The following SCN2A variants were observed in gnomAD, a reference collection of about 807,000 sequenced individuals.
SCN2A encodes sodium channel protein type 2 subunit alpha.
Under a neutral mutation model 188.7 loss-of-function variants are expected in SCN2A, and 20 were observed. The ratio of observed to expected loss-of-function variants is 0.11; its 90% confidence interval spans 0.07 to 0.15. The LOEUF is 0.15. Ranked by LOEUF, SCN2A falls within the 10% of genes least tolerant of loss-of-function variation. The pLI is 1.00. For synonymous variants in SCN2A, 804 were observed against 833.1 expected (o/e 0.97, Z 0.60); for missense variants, 1,278 against 2,445.0 (o/e 0.52, Z 10.07).
chr2:165,250,421 A>G (rs1694033954), intron 1 of SCN2A, among the ~76,000 whole-genome samples: 1 of 151,910 alleles, frequency 6.6e-6, no homozygotes, highest in Non-Finnish European at 1.5e-5. Context: ...GATATAGTAT[A>G]TAGAAAATTT....
chr2:165,354,485 A>C lies in SCN2A; in HGVS notation c.3213A>C (p.Gly1071=), dbSNP rs199997352. The change falls in exon 17 of 27, where the codon GGA becomes GGC. Residue 1071 remains glycine, a synonymous_variant. Coordinates refer to ENST00000375437, the MANE Select transcript of SCN2A (RefSeq NM_001040142.2). ...IGKDLNYLKD[G]NGTTSGIGSS... is the part of the protein sequence containing the mutation. The stretch of plus-strand genomic sequence containing the variant: ...AAGACCTCAATTATCTCAAAGACGG[A>C]AATGGAACTACTAGTGGCATAGGCA... 2.4e-4 allele frequency: 391 copies of C among 1,614,138 alleles called. 4 individuals carry two copies. In the South Asian group the frequency reaches 3.4e-3, roughly 14 times the overall value.
intron 8 of SCN2A, 133 bp downstream of exon 8, chr2:165,312,221 C>T: frequency 4.2e-6 from 3 of 710,754 alleles, no homozygotes; most frequent in Middle Eastern, 2.3e-4. Flanking sequence ...CGGTGACTCT[C>T]AGAATAGCCA....
chr2:165,334,530 A>G (rs893313343), intron 14 of SCN2A, among the ~76,000 whole-genome samples: 1 of 151,884 alleles, frequency 6.6e-6, no homozygotes, highest in African/African-American at 2.4e-5. Context: ...AAACTATACA[A>G]TCATCTCTAT....
chr2:165,286,469 T>C (rs1695834483), intron 1 of SCN2A, among the ~76,000 whole-genome samples: 1 of 152,220 alleles, frequency 6.6e-6, no homozygotes, highest in African/African-American at 2.4e-5. Context: ...ATTTAAAATA[T>C]GCTTCCATAT....
chr2:165,382,506 T>C (rs1252645763), intron 25 of SCN2A, among the ~76,000 whole-genome samples: 3 of 151,926 alleles, frequency 2.0e-5, no homozygotes, highest in Non-Finnish European at 4.4e-5. Context: ...GAAGACTCAA[T>C]TGGGATGAAA....
intron 14 of SCN2A, among the ~76,000 whole-genome samples, chr2:165,331,783 A>T (rs1698693689): frequency 6.6e-6 from 1 of 152,166 alleles, no homozygotes; most frequent in Admixed American, 6.5e-5. Flanking sequence ...ATTGAATTTA[A>T]ATTGCTTATT....
In SCN2A at chr2:165,323,350, C is replaced by G; in HGVS notation, c.1866C>G (p.His622Gln). Residue 622 changes from histidine (H) to glutamine (Q), a missense_variant, in exon 12 of 27, where the codon CAC becomes CAG. Coordinates refer to ENST00000375437, the MANE Select transcript of SCN2A (RefSeq NM_001040142.2). ...CGCACAGACATGGAGAACGGCGCCACAGCAATGTCAGCCAGGCCAGCCGTG... is the reference window on the plus strand; with the variant it reads ...CGCACAGACATGGAGAACGGCGCCAGAGCAATGTCAGCCAGGCCAGCCGTG... ...FVPHRHGERRHSNVSQASRAS... is the reference protein window; with the variant it reads ...FVPHRHGERRQSNVSQASRAS... 6.2e-7 allele frequency: 1 copy of G among 1,614,200 alleles called. No individual in the cohort carries two copies. The highest frequency in any genetic ancestry group is 1.1e-5 in the South Asian group (1 of 91,082).
chr2:165,295,769 G>A lies in SCN2A; in HGVS notation c.-51-4G>A. 7.4e-6 allele frequency: 12 copies of A among 1,612,924 alleles called. No homozygotes were observed. The highest frequency in any genetic ancestry group is 9.3e-6 in the Non-Finnish European group (11 of 1,179,752). ...TTGCTTTTTTTCCCTCCCTGTTTCT[G>A]TAGCACTTTCTTATGCAAGGAGCTA... On this transcript the variant is annotated splice_region_variant and splice_polypyrimidine_tract_variant and intron_variant, in intron 1 of 26. Transcript: ENST00000375437.
At chr2:165,363,335 C>G (rs897265967) in intron 17 of SCN2A, among the ~76,000 whole-genome samples, 1 of 152,084 alleles carries the variant, frequency 6.6e-6, no homozygotes, top group Non-Finnish European at 1.5e-5. Flanking sequence ...AAGTCTTACC[C>G]CGTTCTGTGT....
intron 14 of SCN2A, among the ~76,000 whole-genome samples, chr2:165,336,795 A>C (rs1699023026): frequency 6.6e-6 from 1 of 151,974 alleles, no homozygotes; most frequent in Non-Finnish European, 1.5e-5. Context: ...CAGATACTTT[A>C]CCCCCATGTT....
chr2:165,299,128 A>T (rs1450726098), intron 3 of SCN2A, among the ~76,000 whole-genome samples: 1 of 152,112 alleles, frequency 6.6e-6, no homozygotes, highest in African/African-American at 2.4e-5. Flanking sequence ...ATCCTAGGAG[A>T]TTATGAATCC....
At chr2:165,362,276 C>T (rs1700498812) in intron 17 of SCN2A, among the ~76,000 whole-genome samples, 1 of 151,942 alleles carries the variant, frequency 6.6e-6, no homozygotes, top group Non-Finnish European at 1.5e-5. Flanking sequence ...CTTAATTCTA[C>T]ATCAGAACTA....
chr2:165,287,138 T>C (rs1198253226), intron 1 of SCN2A, among the ~76,000 whole-genome samples: 2 of 152,258 alleles, frequency 1.3e-5, no homozygotes, highest in East Asian at 1.9e-4. Flanking sequence ...GGAAGTAAAG[T>C]ATACTTGGGA....
intron 1 of SCN2A, among the ~76,000 whole-genome samples, chr2:165,275,579 G>A (rs1695299032): frequency 6.6e-6 from 1 of 152,128 alleles, no homozygotes; most frequent in African/African-American, 2.4e-5. Flanking sequence ...TTTGTTAAAT[G>A]ATTAGCTGGA....
intron 1 of SCN2A, chr2:165,266,561 C>G (rs1694872710): frequency 6.6e-6 from 1 of 152,110 alleles, no homozygotes; most frequent in Non-Finnish European, 1.5e-5. Flanking sequence ...TCTCGATCAA[C>G]ATGCAGTCAA....
chr2:165,314,221 T>C, intron 10 of SCN2A, 113 bp downstream of exon 10: 2 of 1,077,626 alleles, frequency 1.9e-6, no homozygotes, highest in Non-Finnish European at 2.8e-6. Flanking sequence ...ATGTGTTTGG[T>C]AAGTGCTAGG....
intron 4 of SCN2A, among the ~76,000 whole-genome samples, chr2:165,308,346 A>AT (rs1238406923): frequency 6.6e-6 from 1 of 152,060 alleles, no homozygotes; most frequent in African/African-American, 2.4e-5. Flanking sequence ...TGCTTCACTC[A>AT]TTTTTGTATT....
At chr2:165,322,367 G>T (rs1010683683) in intron 11 of SCN2A, among the ~76,000 whole-genome samples, 1 of 152,164 alleles carries the variant, frequency 6.6e-6, no homozygotes, top group Non-Finnish European at 1.5e-5. Flanking sequence ...GTTGAAATTA[G>T]TGTCTCCCAG....
At chr2:165,284,461 G>A (rs576866909) in intron 1 of SCN2A, among the ~76,000 whole-genome samples, 1 of 152,078 alleles carries the variant, frequency 6.6e-6, no homozygotes, top group South Asian at 2.1e-4. Flanking sequence ...GAGCCACTGC[G>A]CCCAGCCTGT....
Sources: gnomAD v4.1 joint callset for allele counts (sites outside exome capture counted in the v4.1 genomes callset) on GRCh38, gnomAD v4.1.1 for gene constraint, MANE v1.5 for transcripts, NCBI Gene and HGNC (gene_info 2026-07-23, HGNC 2026-07-21) for gene names.